CCDC3: variants seen among roughly 807,000 people sequenced by gnomAD.
CCDC3 encodes coiled-coil domain-containing protein 3.
CCDC3 carries 24 observed loss-of-function variants against 21.4 expected under a neutral mutation model. The observed-to-expected ratio is 1.12, with a 90% CI of 0.81 to 1.58. CCDC3 has a LOEUF of 1.58. Among genes scored for constraint, CCDC3 ranks in the 40% most tolerant of loss-of-function variants. CCDC3 has a pLI of 0.00. For missense variants in CCDC3, 425 were observed against 360.9 expected, an observed-to-expected ratio of 1.18 and a Z score of -1.44; for synonymous variants, 186 against 166.0, an observed-to-expected ratio of 1.12 and a Z score of -0.93.
intron 4 of CCDC3, among the ~76,000 whole-genome samples, chr10:13,053,838 C>T (rs1041241584): frequency 6.6e-6 from 1 of 152,058 alleles, no homozygotes; most frequent in African/African-American, 2.4e-5. Flanking sequence ...TGGCACAGAG[C>T]ATCACAAGGC....
At chr10:13,063,316 T>C (rs1836784261) in intron 4 of CCDC3, among the ~76,000 whole-genome samples, 1 of 74,560 alleles carries the variant, frequency 1.3e-5, no homozygotes, top group South Asian at 3.7e-4. Flanking sequence ...GTTCTAGGCA[T>C]GGTGTCCTGC....
intron 2 of CCDC3, among the ~76,000 whole-genome samples, chr10:12,991,356 T>C (rs999377753): frequency 2.0e-5 from 3 of 152,164 alleles, no homozygotes; most frequent in Non-Finnish European, 4.4e-5. Context: ...AGTCTTGCTC[T>C]GTTGCCCAGA....
At chr10:12,998,306 T>A (rs770947460) in intron 2 of CCDC3, 32 bp downstream of exon 2, 1 of 1,603,880 alleles carries the variant, frequency 6.2e-7, no homozygotes, top group Admixed American at 1.7e-5. Flanking sequence ...TACTATTGTT[T>A]TGCTGTGGCA....
Position 13,057,606 on chromosome 10 carries a change from G to A in CCDC3, c.-269-7665C>T, listed in dbSNP as rs748365341. On this transcript the variant is annotated intron_variant, in intron 4 of 6. Coordinates refer to the CCDC3 transcript ENST00000378839. ...AGAAAATTGTTTGGTTTGACCGGGC[G>A]CGGGGGCTCACACCTGTAATCCCAG... is the stretch of plus-strand genomic sequence containing the variant. Among the ~76,000 whole-genome samples, 74 of 152,004 alleles carry A rather than the reference G, an allele frequency of 4.9e-4. 1 individual carries two copies. The highest frequency in any genetic ancestry group is 9.7e-4 in the East Asian group (5 of 5,156).
At chr10:12,993,393 T>TA (rs1401222175) in intron 2 of CCDC3, among the ~76,000 whole-genome samples, 8 of 152,090 alleles carry the variant, frequency 5.3e-5, no homozygotes, top group African/African-American at 1.9e-4. Flanking sequence ...AAGTTGAGCT[T>TA]AGAGAAGGGT....
intron 2 of CCDC3, among the ~76,000 whole-genome samples, chr10:12,988,377 G>A (rs184758278): frequency 4.6e-5 from 7 of 151,868 alleles, no homozygotes; most frequent in Non-Finnish European, 8.8e-5. Flanking sequence ...ACAGAGTCTC[G>A]TTCTTGTCGC....
At chr10:12,942,433 G>C (rs915212428) in intron 2 of CCDC3, among the ~76,000 whole-genome samples, 2 of 152,172 alleles carry the variant, frequency 1.3e-5, no homozygotes, top group South Asian at 2.1e-4. Flanking sequence ...TTCTAAGAAA[G>C]AACAGTCTGC....
intron 5 of CCDC3, among the ~76,000 whole-genome samples, chr10:13,037,040 C>G (rs554861029): frequency 8.5e-5 from 13 of 152,250 alleles, no homozygotes; most frequent in African/African-American, 2.9e-4. Context: ...CTGCCTCAGC[C>G]TCCCAAAGTG....
intron 4 of CCDC3, among the ~76,000 whole-genome samples, chr10:13,062,585 G>A (rs1279105317): frequency 1.1e-4 from 16 of 152,156 alleles, no homozygotes; most frequent in East Asian, 1.9e-4. Context: ...GCAAGACTCT[G>A]TCTTGTTCTA....
chr10:12,932,844 C>A (rs554214889), intron 2 of CCDC3, among the ~76,000 whole-genome samples: 5 of 152,078 alleles, frequency 3.3e-5, no homozygotes, highest in African/African-American at 1.2e-4. Flanking sequence ...CCCTCTACTC[C>A]GAGTTTGCTG....
At chr10:13,029,639 AC>A (rs1288273173) in intron 5 of CCDC3, among the ~76,000 whole-genome samples, 1 of 152,174 alleles carries the variant, frequency 6.6e-6, no homozygotes, top group Non-Finnish European at 1.5e-5. Flanking sequence ...CATAGAGAAG[AC>A]CCTAAATGAC....
intron 2 of CCDC3, among the ~76,000 whole-genome samples, chr10:12,968,892 C>G (rs1835299835): frequency 6.6e-6 from 1 of 152,050 alleles, no homozygotes; most frequent in Admixed American, 6.6e-5. Context: ...TCAAAGCAAA[C>G]TATGAGAGAA....
At chr10:12,924,151 G>C (rs973470586) in intron 2 of CCDC3, among the ~76,000 whole-genome samples, 2 of 152,148 alleles carry the variant, frequency 1.3e-5, no homozygotes, top group African/African-American at 4.8e-5. Flanking sequence ...GAGTTATGGG[G>C]GACCCTTCCC....
rs188712264 is a variant in CCDC3, at chr10:12,951,063, G to A, written c.549+47275C>T. Among the ~76,000 whole-genome samples, 60 of 152,276 alleles carry A rather than the reference G, an allele frequency of 3.9e-4. 1 individual carries two copies. Among genetic ancestry groups the A allele is most frequent in the African/African-American group, 1.3e-3 (53 of 41,566 alleles). Reference sequence around the variant, plus strand: ...AAGCAGGAGCTGAGGCAATCAATCAGAAAGTATTCAGTGAGCACTGTGAGA... The same window carrying A: ...AAGCAGGAGCTGAGGCAATCAATCAAAAAGTATTCAGTGAGCACTGTGAGA... On this transcript the variant is annotated intron_variant, in intron 2 of 2. Transcript: ENST00000378825.
At chr10:13,037,568 G>A (rs1486094342) in intron 5 of CCDC3, among the ~76,000 whole-genome samples, 3 of 152,134 alleles carry the variant, frequency 2.0e-5, no homozygotes, top group Non-Finnish European at 4.4e-5. Flanking sequence ...ACGCCACTGG[G>A]TAGTTGAGGA....
At chr10:12,928,563 A>G (rs887275446) in intron 2 of CCDC3, among the ~76,000 whole-genome samples, 2 of 152,182 alleles carry the variant, frequency 1.3e-5, no homozygotes, top group African/African-American at 4.8e-5. Context: ...TCAACAAGAC[A>G]GGTCTGATCA....
chr10:12,990,834 A>G (rs1835669994), intron 2 of CCDC3, among the ~76,000 whole-genome samples: 1 of 152,236 alleles, frequency 6.6e-6, no homozygotes, highest in Admixed American at 6.5e-5. Context: ...ATCCATTCAA[A>G]GTACAAGATA....
intron 2 of CCDC3, among the ~76,000 whole-genome samples, chr10:12,993,970 C>T (rs890293903): frequency 1.3e-5 from 2 of 152,154 alleles, no homozygotes; most frequent in African/African-American, 4.8e-5. Context: ...CCCTCCAAAT[C>T]GACCCTAGAG....
At chr10:13,095,022 A>C (rs1832613942) in intron 3 of CCDC3, among the ~76,000 whole-genome samples, 1 of 152,044 alleles carries the variant, frequency 6.6e-6, no homozygotes, top group African/African-American at 2.4e-5. Flanking sequence ...CCTCATTCTG[A>C]TGGAGGCTTC....
Sources: gnomAD v4.1 joint callset for allele counts (sites outside exome capture counted in the v4.1 genomes callset) on GRCh38, gnomAD v4.1.1 for gene constraint, MANE v1.5 for transcripts, NCBI Gene and HGNC (gene_info 2026-07-23, HGNC 2026-07-21) for gene names.